The following PTPRT variants were observed in gnomAD, a reference collection of about 807,000 sequenced individuals.
The protein encoded by PTPRT is protein tyrosine phosphatase receptor type T, also known as receptor-type tyrosine-protein phosphatase T.
Under a neutral mutation model 176.8 loss-of-function variants are expected in PTPRT, and 56 were observed. The ratio of observed to expected loss-of-function variants is 0.32; its 90% CI spans 0.26 to 0.40. PTPRT has a LOEUF of 0.40. PTPRT is among the 10% of genes least tolerant of loss of function. PTPRT has a pLI of 1.00. For missense variants in PTPRT, 1,540 were observed against 1,908.2 expected, an observed-to-expected ratio of 0.81 and a Z score of 3.60; for synonymous variants, 783 against 739.0, an observed-to-expected ratio of 1.06 and a Z score of -0.96.
chr20:42,974,134 C>G (rs1401570291), intron 1 of PTPRT, among the ~76,000 whole-genome samples: 1 of 152,118 alleles, frequency 6.6e-6, no homozygotes, highest in Admixed American at 6.5e-5. Flanking sequence ...AGATGCTACC[C>G]CAGCTGAACA....
rs138930945 is a variant in PTPRT, at chr20:42,907,642, G to A, written c.89-21710C>T. 4.2e-4 allele frequency among the ~76,000 whole-genome samples: 64 copies of A among 152,246 alleles called. 2 individuals are homozygous for A. The South Asian group carries it at 9.6e-3, about 23-fold the overall frequency. ...TCCGCCAGCTGGCATGTCAGGGGCC[G>A]TGGCGTGAGAGAGCTACAAAAAAGA... On this transcript the variant is annotated intron_variant, in intron 1 of 30. Coordinates refer to ENST00000373187, the MANE Select transcript of PTPRT (RefSeq NM_007050.6).
At chr20:42,373,278 G>T (rs529153226) in intron 9 of PTPRT, among the ~76,000 whole-genome samples, 1 of 152,338 alleles carries the variant, frequency 6.6e-6, no homozygotes, top group East Asian at 1.9e-4. Context: ...TCTGGCTTCT[G>T]TTCAAAGAGT....
At chr20:43,076,713 G>T (rs2011290556) in intron 1 of PTPRT, among the ~76,000 whole-genome samples, 4 of 152,186 alleles carry the variant, frequency 2.6e-5, no homozygotes, top group Admixed American at 2.6e-4. Context: ...TCCCATGATG[G>T]TGCTGCTGCC....
chr20:43,116,059 C>T (rs2146350096), intron 1 of PTPRT, among the ~76,000 whole-genome samples: 1 of 152,328 alleles, frequency 6.6e-6, no homozygotes, highest in Non-Finnish European at 1.5e-5. Flanking sequence ...TTGATCCTTG[C>T]AGGGGACTGA....
chr20:42,962,116 C>G (rs943776130), intron 1 of PTPRT, among the ~76,000 whole-genome samples: 1 of 152,192 alleles, frequency 6.6e-6, no homozygotes, highest in Non-Finnish European at 1.5e-5. Flanking sequence ...TTTGTGTTAA[C>G]TTGTTACAGC....
intron 6 of PTPRT, among the ~76,000 whole-genome samples, chr20:42,745,304 C>T (rs896202256): frequency 6.6e-6 from 1 of 152,192 alleles, no homozygotes; most frequent in Non-Finnish European, 1.5e-5. Context: ...CTGCACCTGG[C>T]GTCCTAGATG....
intron 8 of PTPRT, among the ~76,000 whole-genome samples, chr20:42,465,242 AC>A (rs1165941858): frequency 6.6e-6 from 1 of 152,170 alleles, no homozygotes; most frequent in Non-Finnish European, 1.5e-5. Context: ...ATGGAAGAGT[AC>A]CTCTCAACAG....
chr20:42,135,513 G>A (rs753450777), intron 18 of PTPRT, among the ~76,000 whole-genome samples: 11 of 152,160 alleles, frequency 7.2e-5, no homozygotes, highest in Admixed American at 2.6e-4. Flanking sequence ...TCTGATACAC[G>A]TTCAGGTTTG....
At chr20:42,610,386 T>TG (rs2073955144) in intron 7 of PTPRT, among the ~76,000 whole-genome samples, 1 of 151,164 alleles carries the variant, frequency 6.6e-6, no homozygotes, top group African/African-American at 2.4e-5. Flanking sequence ...TTTGTTTTTT[T>TG]TTTTTGTTTT....
intron 10 of PTPRT, among the ~76,000 whole-genome samples, chr20:42,351,848 C>G (rs771355129): frequency 1.2e-4 from 19 of 152,190 alleles, no homozygotes; most frequent in Non-Finnish European, 2.2e-4. Flanking sequence ...TAATGCAAGC[C>G]TGTGGGAAAA....
chr20:42,509,556 T>TTAATTTATAGATATATAAATTAATA (rs1555872514), intron 7 of PTPRT, among the ~76,000 whole-genome samples: 11 of 148,630 alleles, frequency 7.4e-5, no homozygotes, highest in Non-Finnish European at 1.0e-4. Context: ...CAATTTATAT[T>TTAATTTATAGATATATAAATTAATA]TCTATTCAAA....
At chr20:42,062,653 G>A in the PTPRT span, among the ~76,000 whole-genome samples, 2 of 152,048 alleles carry the variant, frequency 1.3e-5, no homozygotes, top group African/African-American at 2.4e-5. Flanking sequence ...CTGATTTCTT[G>A]CTGGGCCCCA....
intron 1 of PTPRT, among the ~76,000 whole-genome samples, chr20:43,037,694 T>G (rs1236045192): frequency 1.3e-5 from 2 of 152,222 alleles, no homozygotes; most frequent in African/African-American, 4.8e-5. Context: ...GGCAATGGCC[T>G]GTGCTGTCCA....
chr20:42,581,232 T>A (rs1371038750), intron 7 of PTPRT, among the ~76,000 whole-genome samples: 1 of 152,166 alleles, frequency 6.6e-6, no homozygotes, highest in Non-Finnish European at 1.5e-5. Context: ...TGTCAATATA[T>A]CACTTCCTCA....
At chr20:42,531,336 T>A (rs1848149355) in intron 7 of PTPRT, among the ~76,000 whole-genome samples, 1 of 152,178 alleles carries the variant, frequency 6.6e-6, no homozygotes. Flanking sequence ...ATCTACTTAG[T>A]TAAAAGGGGT....
chr20:42,084,760 A>G lies in PTPRT; in HGVS notation c.4058T>C (p.Leu1353Pro). The G allele has an allele frequency of 6.4e-7, 1 of 1,565,212 alleles. No homozygotes were observed. Among genetic ancestry groups the G allele is most frequent in the Non-Finnish European group, 8.7e-7 (1 of 1,152,020 alleles). ...YRDTPPSKRS[L>P]LKVVRRLEKW... ...CTCCAGTCGTCGGACCACTTTGAGCAGAGAGCGCTTGGAGGGGGGCGTGTC... is the reference window on the plus strand; with the variant it reads ...CTCCAGTCGTCGGACCACTTTGAGCGGAGAGCGCTTGGAGGGGGGCGTGTC... Residue 1353 changes from leucine (L) to proline (P), a missense_variant, in exon 29 of 31, where the codon CTG becomes CCG. By Grantham distance (98) the Leu-to-Pro change is moderately conservative. Transcript: ENST00000373187.
In PTPRT at chr20:42,483,314, C is replaced by A. The variant is rs73273317; in HGVS notation, c.1154-10752G>T. Among the ~76,000 whole-genome samples the A allele has an allele frequency of 4.8e-3, 723 of 152,196 alleles. 7 individuals carry two copies. Among genetic ancestry groups the A allele is most frequent in the African/African-American group, 0.017 (690 of 41,526 alleles). ...CCAAATAGCTGGGATTACAGGCATG[C>A]CACCACGCTCGACTAATTTTTGTAT... On this transcript the variant is annotated intron_variant, in intron 7 of 30. Transcript: ENST00000373187.
rs1600547595 is a variant in PTPRT at position 42,120,090 on chromosome 20, C to T, written c.2848-119G>A. On this transcript the variant is annotated intron_variant, in intron 19 of 30. Transcript: ENST00000373187. ...CTCATGGGCAAAATGAGAACAGCAT[C>T]AGTTATTCCCAGAGAAGTGGCAAAG... The T allele has an allele frequency of 8.6e-6, 7 of 817,276 alleles. No homozygotes were observed. In the Admixed American group the frequency reaches 1.6e-4, roughly 19 times the overall value. The allele number at this position is 817,276 out of a possible 1,614,324, so 50.6% of individuals were successfully genotyped here.
At chr20:42,132,334 A>G (rs1224728288) in intron 18 of PTPRT, among the ~76,000 whole-genome samples, 1 of 152,232 alleles carries the variant, frequency 6.6e-6, no homozygotes, top group Non-Finnish European at 1.5e-5. Context: ...TGAGAGGATT[A>G]AATGAGAAAA....
Sources: allele counts gnomAD v4.1 joint callset (sites outside exome capture counted in the v4.1 genomes callset), GRCh38; gene constraint gnomAD v4.1.1; transcripts MANE v1.5; gene names NCBI Gene and HGNC (gene_info 2026-07-23, HGNC 2026-07-21).